Variants in KAZN observed in about 807,000 individuals in gnomAD.
The protein encoded by KAZN is kazrin, periplakin interacting protein.
Under a neutral mutation model 87.4 loss-of-function variants are expected in KAZN, and 40 were observed. The observed-to-expected ratio is 0.46, with a 90% confidence interval of 0.36 to 0.60. The LOEUF (loss-of-function observed/expected upper bound fraction) is 0.60. Among genes scored for constraint, KAZN ranks in the 20% least tolerant of loss-of-function variants. The probability of loss-of-function intolerance (pLI) is 0.00; values close to 1 mark genes in which losing one functional copy is unlikely to be tolerated. For synonymous variants in KAZN, 466 were observed against 458.3 expected (o/e 1.02, Z -0.22); for missense variants, 898 against 1,073.9 (o/e 0.84, Z 2.29).
intron 2 of KAZN, among the ~76,000 whole-genome samples, chr1:14,439,431 C>T (rs545556993): frequency 6.6e-6 from 1 of 152,120 alleles, no homozygotes; most frequent in Non-Finnish European, 1.5e-5. Context: ...TACTTAGACC[C>T]CCTCCTCAAT....
intron 1 of KAZN, among the ~76,000 whole-genome samples, chr1:14,744,971 G>A (rs868690249): frequency 2.0e-5 from 3 of 152,104 alleles, no homozygotes; most frequent in Non-Finnish European, 2.9e-5. Flanking sequence ...ACCCAGAACC[G>A]CCTGAGCCTG....
At chr1:14,678,114 G>C (rs1194926119) in intron 1 of KAZN, among the ~76,000 whole-genome samples, 1 of 152,184 alleles carries the variant, frequency 6.6e-6, no homozygotes, top group Non-Finnish European at 1.5e-5. Flanking sequence ...GCAAAGTATT[G>C]TTTCTGGGTG....
chr1:14,242,283 A>G (rs571965996), intron 2 of KAZN, among the ~76,000 whole-genome samples: 13 of 152,352 alleles, frequency 8.5e-5, no homozygotes, highest in South Asian at 4.1e-4. Flanking sequence ...GCGAAAGATT[A>G]TAATGAACAG....
rs550974119 is a variant in KAZN, at chr1:15,036,775, C to T, written c.555+1890C>T. Among the ~76,000 whole-genome samples, 398 of 152,244 alleles carry T rather than the reference C, an allele frequency of 2.6e-3. 1 individual carries two copies. The highest frequency in any genetic ancestry group is 8.9e-3 in the African/African-American group (369 of 41,520). On this transcript the variant is annotated intron_variant, in intron 3 of 14. Transcript: ENST00000376030. ...AGGTACACGTGTGTGCTCACAGGGG[C>T]GTGCTGTGGGAGTTACGGCATGTAC...
chr1:14,960,145 G>C (rs1475336605), intron 1 of KAZN, among the ~76,000 whole-genome samples: 1 of 152,212 alleles, frequency 6.6e-6, no homozygotes, highest in Non-Finnish European at 1.5e-5. Flanking sequence ...TTCTATGGCT[G>C]TTTCCCAAGC....
At chr1:15,088,053 G>A (rs752062342) in intron 8 of KAZN, among the ~76,000 whole-genome samples, 25 of 152,208 alleles carry the variant, frequency 1.6e-4, no homozygotes, top group Admixed American at 3.9e-4. Flanking sequence ...GCCTCTGAAC[G>A]TCTAGGCCAG....
intron 7 of KAZN, among the ~76,000 whole-genome samples, chr1:15,064,276 C>T (rs1000238111): frequency 1.3e-5 from 2 of 152,188 alleles, no homozygotes; most frequent in African/African-American, 2.4e-5. Context: ...GCACACCACC[C>T]ATTCGCAACG....
chr1:14,643,284 A>AC (rs1370226136), intron 1 of KAZN, among the ~76,000 whole-genome samples: 1 of 152,144 alleles, frequency 6.6e-6, no homozygotes, highest in Non-Finnish European at 1.5e-5. Context: ...TATTAAGCCC[A>AC]CCCAATAGTT....
At position 14,992,182 on chromosome 1, in the gene KAZN, A is replaced by G. The variant is rs187298399; in HGVS notation, c.418+31307A>G. 1.2e-3 allele frequency among the ~76,000 whole-genome samples: 179 copies of G among 152,282 alleles called. 1 individual carries two copies. Among genetic ancestry groups the G allele is most frequent in the African/African-American group, 4.0e-3 (166 of 41,546 alleles). The stretch of plus-strand genomic sequence containing the variant: ...CACGTAGGAGGTTCTTTTCTCCAGA[A>G]TCACACATGTCCCTACCCGTGAGTG... On this transcript the variant is annotated intron_variant, in intron 2 of 14. Transcript: ENST00000376030.
intron 2 of KAZN, among the ~76,000 whole-genome samples, chr1:14,235,040 A>T (rs1434365804): frequency 6.6e-6 from 1 of 152,242 alleles, no homozygotes; most frequent in Non-Finnish European, 1.5e-5. Context: ...ACACATACAT[A>T]TCCCCAAAGA....
chr1:14,078,667 G>A (rs1643554824), intron 1 of KAZN, among the ~76,000 whole-genome samples: 1 of 152,138 alleles, frequency 6.6e-6, no homozygotes, highest in Non-Finnish European at 1.5e-5. Flanking sequence ...GAAGGGGCAA[G>A]GCAGCTCTCT....
intron 2 of KAZN, among the ~76,000 whole-genome samples, chr1:14,200,696 A>C (rs1193871069): frequency 2.6e-5 from 4 of 152,164 alleles, no homozygotes; most frequent in Non-Finnish European, 5.9e-5. Flanking sequence ...GTATGCATAT[A>C]TCTTGTCCTG....
At chr1:14,800,136 C>T (rs1272396082) in intron 1 of KAZN, among the ~76,000 whole-genome samples, 1 of 152,088 alleles carries the variant, frequency 6.6e-6, no homozygotes, top group Non-Finnish European at 1.5e-5. Flanking sequence ...GAATCCTAAC[C>T]CAAAAGTACC....
intron 2 of KAZN, among the ~76,000 whole-genome samples, chr1:14,204,130 G>C (rs181020801): frequency 2.0e-5 from 3 of 152,224 alleles, no homozygotes; most frequent in African/African-American, 7.2e-5. Flanking sequence ...AGTTAAGACT[G>C]GTTGACCCGT....
intron 1 of KAZN, among the ~76,000 whole-genome samples, chr1:14,815,730 G>T (rs1215537871): frequency 1.1e-4 from 17 of 152,182 alleles, no homozygotes; most frequent in Admixed American, 9.2e-4. Flanking sequence ...GCAGATGGCA[G>T]AGCCCATGCT....
chr1:15,035,724 C>CA (rs1289725047), intron 3 of KAZN, among the ~76,000 whole-genome samples: 3 of 152,170 alleles, frequency 2.0e-5, no homozygotes, highest in African/African-American at 7.2e-5. Flanking sequence ...CCTACAGTCC[C>CA]AGCTACTCAG....
At chr1:14,588,245 G>C (rs1036790068) in intron 2 of KAZN, among the ~76,000 whole-genome samples, 1 of 152,120 alleles carries the variant, frequency 6.6e-6, no homozygotes, top group African/African-American at 2.4e-5. Flanking sequence ...TCTGGATTTT[G>C]AATCTACCAG....
At chr1:14,528,218 G>A (rs1320684218) in intron 2 of KAZN, among the ~76,000 whole-genome samples, 1 of 150,688 alleles carries the variant, frequency 6.6e-6, no homozygotes, top group Non-Finnish European at 1.5e-5. Context: ...CACACGGGTA[G>A]TCCCAGCTAC....
At chr1:14,227,204 G>GT (rs1487615096) in intron 2 of KAZN, among the ~76,000 whole-genome samples, 2 of 152,166 alleles carry the variant, frequency 1.3e-5, no homozygotes, top group Non-Finnish European at 2.9e-5. Flanking sequence ...ATTTTTCAAA[G>GT]TGGTGGGTCT....
Sources: allele counts gnomAD v4.1 joint callset (sites outside exome capture counted in the v4.1 genomes callset), GRCh38; gene constraint gnomAD v4.1.1; transcripts MANE v1.5; gene names NCBI Gene and HGNC (gene_info 2026-07-23, HGNC 2026-07-21).